The following MAST2 variants were observed in gnomAD, a reference collection of about 807,000 sequenced individuals.
MAST2 encodes the protein microtubule associated serine/threonine kinase 2.
MAST2 carries 70 observed loss-of-function variants against 147.4 expected under a neutral mutation model. That is an observed-to-expected ratio of 0.47 (90% CI 0.39 to 0.58). MAST2 has a LOEUF of 0.58. Among genes scored for constraint, MAST2 ranks in the 20% least tolerant of loss-of-function variants. The probability of loss-of-function intolerance (pLI) is 0.00; values close to 1 mark genes in which losing one functional copy is unlikely to be tolerated. For missense variants in MAST2, 2,080 were observed against 2,302.3 expected, an observed-to-expected ratio of 0.90 and a Z score of 1.98; for synonymous variants, 869 against 896.8, an observed-to-expected ratio of 0.97 and a Z score of 0.55.
intron 4 of MAST2, among the ~76,000 whole-genome samples, chr1:45,886,952 T>C (rs7553924): frequency 0.34 from 51,742 of 152,012 alleles, 9,213 homozygotes; most frequent in African/African-American, 0.44. Flanking sequence ...CACAGCCTCC[T>C]GAGTAGCTGG....
intron 15 of MAST2, among the ~76,000 whole-genome samples, chr1:46,024,559 CT>C (rs1646323112): frequency 6.6e-6 from 1 of 152,152 alleles, no homozygotes; most frequent in South Asian, 2.1e-4. Context: ...CAAAACTGTC[CT>C]TTAGTGTTTA....
At chr1:46,034,424 G>T in intron 28 of MAST2, 114 bp from the exon 29 acceptor site, 1 of 1,334,658 alleles carries the variant, frequency 7.5e-7, no homozygotes, top group Admixed American at 2.5e-5. Flanking sequence ...TGGGGAAGGG[G>T]GTAGCTTGGT....
chr1:45,913,898 C>T, intron 4 of MAST2: 1 of 1,216,656 alleles, frequency 8.2e-7, no homozygotes, highest in Non-Finnish European at 1.0e-6. Flanking sequence ...GTTGGGGTCT[C>T]TATGGAAACT....
chr1:46,020,130 G>C (rs1360307964), intron 11 of MAST2, among the ~76,000 whole-genome samples: 1 of 152,202 alleles, frequency 6.6e-6, no homozygotes, highest in Non-Finnish European at 1.5e-5. Context: ...GAGTTGGGAA[G>C]CATGAGGCAT....
intron 4 of MAST2, among the ~76,000 whole-genome samples, chr1:45,928,128 C>T (rs774723396): frequency 1.1e-4 from 16 of 152,160 alleles, no homozygotes; most frequent in Admixed American, 2.0e-4. Flanking sequence ...TACTACATCC[C>T]CAGTATCGTC....
intron 2 of MAST2, among the ~76,000 whole-genome samples, chr1:45,828,001 T>C (rs545158195): frequency 2.1e-4 from 32 of 152,056 alleles, no homozygotes; most frequent in African/African-American, 7.7e-4. Context: ...CTGGCTAATT[T>C]TTTTTTTTTC....
At chr1:45,841,989 A>G (rs1186339139) in intron 3 of MAST2, among the ~76,000 whole-genome samples, 2 of 152,206 alleles carry the variant, frequency 1.3e-5, no homozygotes, top group African/African-American at 4.8e-5. Context: ...GAAGCCTGGT[A>G]CCAGATGCTG....
chr1:45,909,945 G>A (rs145616705), intron 4 of MAST2, among the ~76,000 whole-genome samples: 2 of 151,896 alleles, frequency 1.3e-5, no homozygotes, highest in East Asian at 1.9e-4. Flanking sequence ...GGCTGGTCTC[G>A]AGTTCCTGGG....
At chr1:45,828,828 G>A (rs1337381611) in intron 2 of MAST2, among the ~76,000 whole-genome samples, 3 of 152,122 alleles carry the variant, frequency 2.0e-5, no homozygotes, top group Non-Finnish European at 4.4e-5. Context: ...GGAGGCTGAG[G>A]CAGGAGAATC....
intron 3 of MAST2, among the ~76,000 whole-genome samples, chr1:45,881,367 C>T (rs1482972504): frequency 1.3e-5 from 2 of 152,100 alleles, no homozygotes; most frequent in Non-Finnish European, 2.9e-5. Context: ...TGGCTGATGT[C>T]AACAGAGGAA....
chr1:45,805,961 T>C (rs553037952), intron 1 of MAST2, among the ~76,000 whole-genome samples: 22 of 152,366 alleles, frequency 1.4e-4, no homozygotes, highest in African/African-American at 5.1e-4. Flanking sequence ...ATTTCTAATA[T>C]GGTTTGGCTT....
Position 46,023,535 on chromosome 1 carries a change from C to T in MAST2, c.1571+217C>T. 1.6e-6 allele frequency: 1 copy of T among 619,752 alleles called. No homozygotes were observed. The highest frequency in any genetic ancestry group is 2.7e-5 in the East Asian group (1 of 36,476). 38.4% of individuals were successfully genotyped at this position (619,752 alleles called of 1,614,324 possible). On this transcript the variant is annotated intron_variant, in intron 14 of 28. Transcript: ENST00000361297. This position sits in a 1 kb window ranked among gnomAD's most constrained non-coding sequence, Gnocchi z 4.9. ...GATTCCCACGCCTCTTACTACCACG[C>T]ATCCTCCATTCCCTGAGCTCTGGGG...
intron 5 of MAST2, among the ~76,000 whole-genome samples, chr1:45,971,623 C>A (rs139859448): frequency 2.0e-5 from 3 of 152,162 alleles, no homozygotes; most frequent in African/African-American, 7.2e-5. Context: ...ACATCATGCT[C>A]ACTGTAGAGG....
At chr1:46,001,641 T>C (rs1645278107) in intron 6 of MAST2, among the ~76,000 whole-genome samples, 1 of 152,120 alleles carries the variant, frequency 6.6e-6, no homozygotes, top group Non-Finnish European at 1.5e-5. Context: ...GCTGCCAGGG[T>C]GGCATGAAGT....
rs553220175 is a variant in MAST2, at chr1:45,847,445, C to T, written c.468+17864C>T. ...GATCAAGATGATTTTGAAACCATTGCAGTTTTTCACCAATAAGATTGAAAC... is the reference window on the plus strand; with the variant it reads ...GATCAAGATGATTTTGAAACCATTGTAGTTTTTCACCAATAAGATTGAAAC... On this transcript the variant is annotated intron_variant, in intron 3 of 28. Coordinates refer to ENST00000361297, the MANE Select transcript of MAST2 (RefSeq NM_015112.3). 2.4e-5 allele frequency: 14 copies of T among 577,384 alleles called. No individual in the cohort carries two copies. The East Asian group carries it at 6.3e-4, about 26-fold the overall frequency. The allele number at this position is 577,384 out of a possible 1,614,324, so 35.8% of individuals were successfully genotyped here.
At chr1:45,918,468 C>A (rs1020845786) in intron 4 of MAST2, among the ~76,000 whole-genome samples, 4 of 152,262 alleles carry the variant, frequency 2.6e-5, no homozygotes, top group African/African-American at 9.6e-5. Flanking sequence ...GATAGAGTTT[C>A]GCTCTTGTCA....
chr1:45,824,809 C>T (rs1644741005), intron 2 of MAST2, among the ~76,000 whole-genome samples: 1 of 152,196 alleles, frequency 6.6e-6, no homozygotes, highest in African/African-American at 2.4e-5. Context: ...AGTGGTCACT[C>T]TCTCTTACTC....
chr1:45,954,124 A>G (rs1321475656), intron 4 of MAST2, among the ~76,000 whole-genome samples: 1 of 152,136 alleles, frequency 6.6e-6, no homozygotes, highest in Non-Finnish European at 1.5e-5. Flanking sequence ...CCAGTCACGG[A>G]GTGCTCAAGT....
At chr1:46,032,861 G>T (rs938886753) in intron 26 of MAST2, 143 bp downstream of exon 26, 7 of 1,120,510 alleles carry the variant, frequency 6.2e-6, no homozygotes, top group Non-Finnish European at 8.7e-6. Context: ...CGGGCGCGGT[G>T]GCTCATGCCT....
Sources: allele counts gnomAD v4.1 joint callset (sites outside exome capture counted in the v4.1 genomes callset), GRCh38; gene constraint gnomAD v4.1.1; non-coding constraint Gnocchi (gnomAD v3.1); transcripts MANE v1.5; gene names NCBI Gene and HGNC (gene_info 2026-07-23, HGNC 2026-07-21).